CD72: variants seen among roughly 807,000 people sequenced by gnomAD.
CD72 encodes B-cell differentiation antigen CD72.
In CD72, 28 loss-of-function variants were observed where a neutral mutation model predicts 50.7. That is an observed-to-expected ratio of 0.55 (90% CI 0.41 to 0.76). The LOEUF is 0.76. Among genes scored for constraint, CD72 ranks in the 30% least tolerant of loss-of-function variants. The pLI is 0.00. For missense variants in CD72, 403 were observed against 420.6 expected, an observed-to-expected ratio of 0.96 and a Z score of 0.37; for synonymous variants, 176 against 171.2, an observed-to-expected ratio of 1.03 and a Z score of -0.22.
chr9:35,616,550 G>C lies in CD72; in HGVS notation c.352+50C>G, dbSNP rs201094728. ...GAAGATCAGCTTTGGGGCGAGAGTC[G>C]GGACGAAAGTCGTTCGGTGTAAGTG... On this transcript the variant is annotated intron_variant, in intron 4 of 8. Transcript: ENST00000259633. 5.4e-5 allele frequency: 75 copies of C among 1,401,460 alleles called. No individual in the cohort carries two copies. In the East Asian group the frequency reaches 9.1e-4, roughly 17 times the overall value. 86.8% of individuals were successfully genotyped at this position (1,401,460 alleles called of 1,614,324 possible). A position where few individuals can be genotyped will look rare whatever the true frequency, so the allele number is the denominator to read the frequency against.
At chr9:35,611,244 C>A (rs1383459772) in intron 7 of CD72, among the ~76,000 whole-genome samples, 1 of 148,560 alleles carries the variant, frequency 6.7e-6, no homozygotes, top group Admixed American at 6.7e-5. Flanking sequence ...GAGCGAGACT[C>A]CATCTCAAAA....
chr9:35,616,545 G>C (rs1823066649), intron 4 of CD72, 55 bp downstream of exon 4: 2 of 1,349,484 alleles, frequency 1.5e-6, no homozygotes, highest in African/African-American at 1.4e-5. Context: ...TTTGGGGCGA[G>C]AGTCGGGACG....
Position 35,616,656 on chromosome 9 carries a change from C to A in CD72, c.296G>T (p.Gly99Val). 1 of 1,613,924 alleles carries A rather than the reference C, an allele frequency of 6.2e-7. No individual in the cohort carries two copies. Residue 99 changes from glycine (G) to valine (V), a missense_variant, in exon 4 of 9, where the codon GGC becomes GTC. Coordinates refer to ENST00000259633, the MANE Select transcript of CD72 (RefSeq NM_001782.3). ...RTTCLRYLLLGLLLTCLLLGV... is the reference protein window; with the variant it reads ...RTTCLRYLLLVLLLTCLLLGV... Reference sequence around the variant, plus strand: ...TAACAGCAGGCAGGTGAGGAGCAGGCCGAGCAGGAGGTATCGCAGGCAGGT... The same window carrying A: ...TAACAGCAGGCAGGTGAGGAGCAGGACGAGCAGGAGGTATCGCAGGCAGGT...
chr9:35,635,346 CTGTT>C (rs1823280355), intron 1 of CD72, among the ~76,000 whole-genome samples: 1 of 152,206 alleles, frequency 6.6e-6, no homozygotes, highest in Non-Finnish European at 1.5e-5. Context: ...TCTACTCTAT[CTGTT>C]CCAGGCTTCT....
chr9:35,616,757 G>A (rs1444386774), intron 3 of CD72, 68 bp from the exon 4 acceptor site: 2 of 1,342,796 alleles, frequency 1.5e-6, no homozygotes. Context: ...GAAGGGACAG[G>A]TCCGTGGGGG....
chr9:35,633,665 A>G (rs1823266030), intron 1 of CD72, among the ~76,000 whole-genome samples: 1 of 152,104 alleles, frequency 6.6e-6, no homozygotes, highest in Non-Finnish European at 1.5e-5. Context: ...AAATCCTCCT[A>G]TCCCTTTGCA....
At chr9:35,636,958 T>C (rs1823296279) in intron 1 of CD72, among the ~76,000 whole-genome samples, 1 of 152,216 alleles carries the variant, frequency 6.6e-6, no homozygotes, top group Non-Finnish European at 1.5e-5. Flanking sequence ...CATTCCACCA[T>C]TGTGATTTGT....
chr9:35,615,036 C>G (rs1393739100), intron 5 of CD72, among the ~76,000 whole-genome samples: 2 of 152,036 alleles, frequency 1.3e-5, no homozygotes, highest in Non-Finnish European at 2.9e-5. Context: ...TGGGGAAAAC[C>G]TGCAGGAGTG....
chr9:35,616,597 C>T lies in CD72; in HGVS notation c.352+3G>A. ...AGTGGGAAGTAGGGACAGCCTTACT[C>T]ACAGCGCACTCCCAGGCAGATGGCG... On this transcript the variant is annotated splice_donor_region_variant and intron_variant, in intron 4 of 8. Transcript: ENST00000259633. 6.2e-7 allele frequency: 1 copy of T among 1,611,568 alleles called. No homozygotes were observed. Among genetic ancestry groups the T allele is most frequent in the South Asian group, 1.1e-5 (1 of 91,032 alleles).
intron 1 of CD72, among the ~76,000 whole-genome samples, chr9:35,634,014 A>G (rs1823268873): frequency 6.6e-6 from 1 of 152,228 alleles, no homozygotes. Context: ...AATTTGATTT[A>G]TAACAAAATC....
upstream of CD72, among the ~76,000 whole-genome samples, chr9:35,620,084 T>A (rs1197207352): frequency 1.3e-5 from 2 of 151,810 alleles, no homozygotes; most frequent in African/African-American, 2.4e-5. Context: ...AAGAGTCAAA[T>A]ACTTGAACCT....
chr9:35,636,859 G>C (rs1242129959), intron 1 of CD72, among the ~76,000 whole-genome samples: 1 of 152,192 alleles, frequency 6.6e-6, no homozygotes, highest in African/African-American at 2.4e-5. Flanking sequence ...TATATCCCCT[G>C]TGACCTGCAC....
intron 5 of CD72, among the ~76,000 whole-genome samples, chr9:35,615,147 A>G (rs1823046159): frequency 6.6e-6 from 1 of 152,150 alleles, no homozygotes; most frequent in Non-Finnish European, 1.5e-5. Flanking sequence ...CAGCCCTGGC[A>G]TGGAACTGAT....
upstream of CD72, among the ~76,000 whole-genome samples, chr9:35,619,221 G>A (rs558485100): frequency 7.0e-4 from 106 of 152,248 alleles, no homozygotes; most frequent in African/African-American, 2.5e-3. Context: ...CCCAGGGACC[G>A]CGAGGCCCTC....
At position 35,612,446 on chromosome 9, in the gene CD72, G is replaced by A. The variant is rs187376758; in HGVS notation, c.834+402C>T. 5.3e-5 allele frequency among the ~76,000 whole-genome samples: 8 copies of A among 152,276 alleles called. No individual in the cohort carries two copies. The East Asian group carries it at 5.8e-4, about 11-fold the overall frequency. On this transcript the variant is annotated intron_variant, in intron 6 of 8. Coordinates refer to ENST00000259633, the MANE Select transcript of CD72 (RefSeq NM_001782.3). The stretch of plus-strand genomic sequence containing the variant: ...TTAAAAATACAAAAATTAGCTGGGC[G>A]TGGTGGCATGTGACTGTAGTCCCAG...
At position 35,643,839 on chromosome 9, in the gene CD72, G is replaced by A. The variant is rs891891305; in HGVS notation, n.408+2564C>T. On this transcript the variant is annotated intron_variant and non_coding_transcript_variant, in intron 1 of 3. Transcript: ENST00000465754. ...CTAAAAATACAAAAATTAGCCGGGCGTATTGGCACGCCCCAATAATCCCAG... is the reference window on the plus strand; with the variant it reads ...CTAAAAATACAAAAATTAGCCGGGCATATTGGCACGCCCCAATAATCCCAG... Among the ~76,000 whole-genome samples the A allele has an allele frequency of 2.6e-5, 4 of 151,866 alleles. No homozygotes were observed. In the East Asian group the frequency reaches 7.7e-4, roughly 29 times the overall value.
intron 3 of CD72, 188 bp downstream of exon 3, chr9:35,616,988 G>T (rs1001134573): frequency 4.8e-5 from 69 of 1,443,682 alleles, no homozygotes; most frequent in Non-Finnish European, 5.7e-5. Context: ...ACCATCCGCA[G>T]GGGGGCGGTG....
intron 1 of CD72, chr9:35,643,559 G>C (rs1056963713): frequency 6.6e-6 from 1 of 152,168 alleles, no homozygotes; most frequent in East Asian, 1.9e-4. Context: ...TAGACTAAGC[G>C]CGCCGAGTCA....
At chr9:35,624,936 G>A (rs991505569) in intron 1 of CD72, among the ~76,000 whole-genome samples, 2 of 152,122 alleles carry the variant, frequency 1.3e-5, no homozygotes, top group African/African-American at 4.8e-5. Context: ...TGTTCTGACT[G>A]CTCCACTGAC....
Sources: allele counts gnomAD v4.1 joint callset (sites outside exome capture counted in the v4.1 genomes callset), GRCh38; gene constraint gnomAD v4.1.1; transcripts MANE v1.5; gene names NCBI Gene and HGNC (gene_info 2026-07-23, HGNC 2026-07-21).